The following ZDHHC5 variants were observed in gnomAD, a reference collection of about 807,000 sequenced individuals.
ZDHHC5 encodes palmitoyltransferase ZDHHC5.
ZDHHC5 carries 22 observed loss-of-function variants against 70.0 expected under a neutral mutation model. The ratio of observed to expected loss-of-function variants is 0.31; its 90% CI spans 0.22 to 0.45. The LOEUF is 0.45. Ranked by LOEUF, ZDHHC5 falls within the 20% of genes least tolerant of loss-of-function variation. ZDHHC5 has a pLI of 1.00. For synonymous variants in ZDHHC5, 313 were observed against 347.8 expected (o/e 0.90, Z 1.11); for missense variants, 746 against 926.9 (o/e 0.80, Z 2.53).
intron 4 of ZDHHC5, 88 bp downstream of exon 4, chr11:57,688,753 G>A (rs1388578615): frequency 1.6e-5 from 23 of 1,412,742 alleles, no homozygotes; most frequent in Non-Finnish European, 2.1e-5. Context: ...TTTGGATGTG[G>A]TATAGTCCTG....
At position 57,695,949 on chromosome 11, in the gene ZDHHC5, C is replaced by T. The variant is rs749964183; in HGVS notation, c.915C>T (p.Ser305=). The stretch of plus-strand genomic sequence containing the variant: ...AGGGAAGCCTGGAGATAACAGAGAG[C>T]CAGTCTGCAGATGCTGAACCTCCAC... ...KSKGSLEITE[S]QSADAEPPPP... The change falls in exon 9 of 12, where the codon AGC becomes AGT. Residue 305 remains serine (S), a synonymous_variant. Coordinates refer to ENST00000287169, the MANE Select transcript of ZDHHC5 (RefSeq NM_015457.3). The T allele has an allele frequency of 1.2e-6, 2 of 1,614,078 alleles. No homozygotes were observed.
At chr11:57,686,849 C>T (rs1311836858) in intron 3 of ZDHHC5, among the ~76,000 whole-genome samples, 4 of 144,884 alleles carry the variant, frequency 2.8e-5, no homozygotes, top group Non-Finnish European at 4.5e-5. Context: ...TTTTTTTTTC[C>T]AGACAGTGTC....
At chr11:57,696,607 A>G (rs1260054270) in intron 9 of ZDHHC5, among the ~76,000 whole-genome samples, 154 bp from the exon 10 acceptor site, 1 of 152,144 alleles carries the variant, frequency 6.6e-6, no homozygotes, top group Non-Finnish European at 1.5e-5. Context: ...AGTCCCAGCT[A>G]CTCAGGAGGC....
At position 57,690,219 on chromosome 11, in the gene ZDHHC5, T is replaced by G; in HGVS notation, c.557+16T>G. The stretch of plus-strand genomic sequence containing the variant: ...CGGCTGTCACGTATCCTTCAAGGCC[T>G]TTTAGATTGTGGGATTGGAAGGGGG... On this transcript the variant is annotated intron_variant, in intron 5 of 11. Transcript: ENST00000287169. The G allele has an allele frequency of 6.2e-7, 1 of 1,613,348 alleles. No individual in the cohort carries two copies. The highest frequency in any genetic ancestry group is 8.5e-7 in the Non-Finnish European group (1 of 1,179,426).
intron 2 of ZDHHC5, 70 bp from the exon 3 acceptor site, chr11:57,682,352 G>T: frequency 6.5e-7 from 1 of 1,535,180 alleles, no homozygotes. Flanking sequence ...AGTCTTTACA[G>T]ATTTTTGTAT....
chr11:57,688,875 G>A (rs1239553052), intron 4 of ZDHHC5, among the ~76,000 whole-genome samples: 1 of 152,110 alleles, frequency 6.6e-6, no homozygotes, highest in Non-Finnish European at 1.5e-5. Context: ...ACTCAATATG[G>A]GCATAGGCTT....
At chr11:57,683,605 A>G (rs770184648) in intron 3 of ZDHHC5, among the ~76,000 whole-genome samples, 6 of 152,352 alleles carry the variant, frequency 3.9e-5, no homozygotes, top group African/African-American at 7.2e-5. Context: ...TGAATTTGAT[A>G]TACTTGAATC....
chr11:57,668,674 G>C (rs995771456), intron 1 of ZDHHC5: 1 of 152,448 alleles, frequency 6.6e-6, no homozygotes, highest in Non-Finnish European at 1.5e-5. Context: ...CGAGTCCCTC[G>C]CTCCACTCTG....
chr11:57,684,360 G>C (rs932527085), intron 3 of ZDHHC5, among the ~76,000 whole-genome samples: 20 of 152,286 alleles, frequency 1.3e-4, no homozygotes, highest in Middle Eastern at 3.4e-3. Flanking sequence ...GAGGTGGGCA[G>C]ATCACCCGAG....
At chr11:57,678,503 G>A (rs775866779) in intron 2 of ZDHHC5, among the ~76,000 whole-genome samples, 3 of 150,646 alleles carry the variant, frequency 2.0e-5, no homozygotes, top group Non-Finnish European at 4.4e-5. Flanking sequence ...CCCGGGAGGC[G>A]GAGCTTGCAG....
At position 57,700,301 on chromosome 11, in the gene ZDHHC5, T is replaced by G; in HGVS notation, c.*270T>G. 1 of 321,968 alleles carries G rather than the reference T, an allele frequency of 3.1e-6. No homozygotes were observed. 19.9% of individuals were successfully genotyped at this position (321,968 alleles called of 1,614,324 possible). A position where few individuals can be genotyped will look rare whatever the true frequency, so the allele number is the denominator to read the frequency against. Reference sequence around the variant, plus strand: ...CCAGACTCAGTGGACATTTGTGCAATTGCTCGCCCTGGAGGGAACCAGATC... The same window carrying G: ...CCAGACTCAGTGGACATTTGTGCAAGTGCTCGCCCTGGAGGGAACCAGATC... On this transcript the variant is annotated 3_prime_UTR_variant, in exon 12 of 12. Coordinates refer to ENST00000287169, the MANE Select transcript of ZDHHC5 (RefSeq NM_015457.3).
At chr11:57,679,203 C>T (rs1398556007) in intron 2 of ZDHHC5, among the ~76,000 whole-genome samples, 5 of 151,684 alleles carry the variant, frequency 3.3e-5, no homozygotes, top group African/African-American at 9.7e-5. Flanking sequence ...GCTTTTACGC[C>T]CAGGCTGTCG....
chr11:57,693,438 C>T (rs1039515081), intron 7 of ZDHHC5, among the ~76,000 whole-genome samples: 2 of 152,162 alleles, frequency 1.3e-5, no homozygotes, highest in African/African-American at 2.4e-5. Flanking sequence ...GGCCATGAAC[C>T]GGTACTGGTC....
Position 57,699,023 on chromosome 11 carries a change from A to G in ZDHHC5, c.1587A>G (p.Ser529=), listed in dbSNP as rs1454227328. Residue 529 remains serine (S), a synonymous_variant, in exon 11 of 12, where the codon TCA becomes TCG. Transcript: ENST00000287169. ...VPTGPTHREP[S]PVRYDNLSRH... ...CTGGCCCAACACACCGAGAGCCCTC[A>G]CCAGTCCGTTACGACAATCTGTCGC... 1.2e-6 allele frequency: 2 copies of G among 1,610,232 alleles called. No individual in the cohort carries two copies. The highest frequency in any genetic ancestry group is 3.3e-5 in the Admixed American group (2 of 60,018).
chr11:57,672,496 C>T lies in ZDHHC5; in HGVS notation c.-595C>T. ...GACTACCTAAAAGAGACAAAGACTGCAGTAAACAAAGCTCCTCTTTAAAGT... is the reference window on the plus strand; with the variant it reads ...GACTACCTAAAAGAGACAAAGACTGTAGTAAACAAAGCTCCTCTTTAAAGT... On this transcript the variant is annotated 5_prime_UTR_variant, in exon 2 of 12. Transcript: ENST00000287169. 1 of 356,934 alleles carries T rather than the reference C, an allele frequency of 2.8e-6. No individual in the cohort carries two copies. The highest frequency in any genetic ancestry group is 5.0e-6 in the Non-Finnish European group (1 of 200,610). 22.1% of individuals were successfully genotyped at this position (356,934 alleles called of 1,614,324 possible). A position where few individuals can be genotyped will look rare whatever the true frequency, so the allele number is the denominator to read the frequency against.
chr11:57,682,851 T>C (rs891400955), intron 3 of ZDHHC5, among the ~76,000 whole-genome samples: 11 of 152,292 alleles, frequency 7.2e-5, no homozygotes, highest in African/African-American at 7.2e-5. Context: ...ATTTAAAGCA[T>C]ATGGGTTGGA....
rs749484276 is a variant in ZDHHC5, at chr11:57,700,815, T to C, written c.*784T>C. ...ATAACTTGGCCTAGCTCAAACAATA[T>C]TGGATAATCCCCTCCTTGGGGGAGA... On this transcript the variant is annotated 3_prime_UTR_variant, in exon 12 of 12. Transcript: ENST00000287169. The C allele has an allele frequency of 2.0e-5, 3 of 152,606 alleles. No homozygotes were observed. Among genetic ancestry groups the C allele is most frequent in the East Asian group, 1.9e-4 (1 of 5,188 alleles). The allele number at this position is 152,606 out of a possible 1,614,324, so 9.5% of individuals were successfully genotyped here.
In ZDHHC5 at chr11:57,699,976, G is replaced by C; in HGVS notation, c.2093G>C (p.Gly698Ala). Residue 698 changes from glycine (G) to alanine (A), a missense_variant, in exon 12 of 12, where the codon GGA becomes GCA. Physicochemically the swap from Gly to Ala is moderately conservative, Grantham distance 60. This residue lies in a region of ZDHHC5 where 340 missense variants were observed against 350.1 expected (regional missense o/e 0.97). Transcript: ENST00000287169. Reference sequence around the variant, plus strand: ...CCACCTCTCAGTAGCCCCACGAGGGGAGGAGTCAAGAAGGTGTCAGGGGTT... The same window carrying C: ...CCACCTCTCAGTAGCCCCACGAGGGCAGGAGTCAAGAAGGTGTCAGGGGTT... ...GQPPLSSPTR[G>A]GVKKVSGVGG... 1 of 1,613,228 alleles carries C rather than the reference G, an allele frequency of 6.2e-7. No homozygotes were observed. The highest frequency in any genetic ancestry group is 8.5e-7 in the Non-Finnish European group (1 of 1,179,640).
At chr11:57,680,892 A>C (rs996785673) in intron 2 of ZDHHC5, among the ~76,000 whole-genome samples, 3 of 152,224 alleles carry the variant, frequency 2.0e-5, no homozygotes, top group African/African-American at 7.2e-5. Context: ...CTTTGAGGAT[A>C]GTATAGAACT....
Sources: allele counts gnomAD v4.1 joint callset (sites outside exome capture counted in the v4.1 genomes callset), GRCh38; gene constraint gnomAD v4.1.1; regional missense constraint gnomAD v4.1.1; transcripts MANE v1.5; gene names NCBI Gene and HGNC (gene_info 2026-07-23, HGNC 2026-07-21).